The following SND1 variants were observed in gnomAD, a reference collection of about 807,000 sequenced individuals.
The protein encoded by SND1 is staphylococcal nuclease and tudor domain containing 1.
SND1 carries 38 observed loss-of-function variants against 121.7 expected under a neutral mutation model. That is an observed-to-expected ratio of 0.31 (90% confidence interval 0.24 to 0.41). The LOEUF is 0.41. SND1 is among the 10% of genes least tolerant of loss of function. The probability of loss-of-function intolerance (pLI) is 1.00; values close to 1 mark genes in which losing one functional copy is unlikely to be tolerated. For missense variants in SND1, 868 were observed against 1,184.6 expected (o/e 0.73, Z 3.92); for synonymous variants, 401 against 447.4 (o/e 0.90, Z 1.31).
chr7:127,737,936 G>A (rs1433311606), intron 10 of SND1, among the ~76,000 whole-genome samples: 1 of 152,194 alleles, frequency 6.6e-6, no homozygotes, highest in Non-Finnish European at 1.5e-5. Flanking sequence ...TACTGTCTGT[G>A]TTCCATGTCA....
intron 10 of SND1, among the ~76,000 whole-genome samples, chr7:127,741,335 AT>A (rs1796878163): frequency 6.6e-6 from 1 of 152,218 alleles, no homozygotes; most frequent in South Asian, 2.1e-4. Flanking sequence ...ATTGAATGTG[AT>A]TTTATAAGAT....
chr7:127,747,782 C>G (rs1797007892), intron 10 of SND1, among the ~76,000 whole-genome samples: 1 of 152,180 alleles, frequency 6.6e-6, no homozygotes, highest in African/African-American at 2.4e-5. Context: ...TTTTGCCTTT[C>G]CATTGTCAAT....
At chr7:127,672,437 C>G (rs1795535443) in intron 1 of SND1, among the ~76,000 whole-genome samples, 1 of 151,902 alleles carries the variant, frequency 6.6e-6, no homozygotes, top group Admixed American at 6.6e-5. Flanking sequence ...TGGCGAAATC[C>G]TGTCTCTACT....
chr7:127,933,734 C>T (rs1463951945), intron 15 of SND1, among the ~76,000 whole-genome samples: 2 of 152,172 alleles, frequency 1.3e-5, no homozygotes, highest in African/African-American at 4.8e-5. Flanking sequence ...CCTTGCCCCT[C>T]AATTTGGAGT....
intron 14 of SND1, among the ~76,000 whole-genome samples, chr7:127,913,532 C>T (rs1309726137): frequency 6.6e-6 from 1 of 152,190 alleles, no homozygotes; most frequent in Non-Finnish European, 1.5e-5. Context: ...GGTCCATGCT[C>T]TTCGGTTGTT....
chr7:128,028,720 GAATTATATAA>G (rs1281051968), intron 16 of SND1: 1 of 1,613,944 alleles, frequency 6.2e-7, no homozygotes, highest in East Asian at 2.2e-5. Flanking sequence ...GTATGGGTCT[GAATTATATAA>G]GGTTCAGAGA....
At chr7:127,919,187 T>C (rs1171278845) in intron 14 of SND1, among the ~76,000 whole-genome samples, 1 of 152,234 alleles carries the variant, frequency 6.6e-6, no homozygotes, top group African/African-American at 2.4e-5. Context: ...AAAAGTGTTT[T>C]AGCCATTTAG....
At chr7:127,757,260 A>G (rs1797214799) in intron 10 of SND1, among the ~76,000 whole-genome samples, 1 of 152,148 alleles carries the variant, frequency 6.6e-6, no homozygotes, top group South Asian at 2.1e-4. Context: ...TGTTATTTAT[A>G]TCACTAGTGG....
At chr7:127,768,523 A>G (rs1050229473) in intron 10 of SND1, among the ~76,000 whole-genome samples, 6 of 152,174 alleles carry the variant, frequency 3.9e-5, no homozygotes, top group Admixed American at 2.0e-4. Context: ...ATAGTTGAGG[A>G]ATGTTTTCAA....
intron 11 of SND1, among the ~76,000 whole-genome samples, chr7:127,841,647 G>A (rs557255393): frequency 1.3e-5 from 2 of 152,216 alleles, no homozygotes; most frequent in Non-Finnish European, 2.9e-5. Flanking sequence ...CTGGTTCTGA[G>A]TTACTCAGGC....
chr7:128,084,653 C>A, intron 18 of SND1, 71 bp from the exon 19 acceptor site: 1 of 1,496,340 alleles, frequency 6.7e-7, no homozygotes, highest in East Asian at 2.5e-5. Flanking sequence ...CCCAACCACT[C>A]CCAGAAAAAC....
chr7:127,962,037 T>C (rs947864439), intron 15 of SND1, among the ~76,000 whole-genome samples: 4 of 152,186 alleles, frequency 2.6e-5, no homozygotes, highest in Admixed American at 6.6e-5. Context: ...AGTGAGAGAA[T>C]TTAAAGGTAG....
intron 15 of SND1, among the ~76,000 whole-genome samples, chr7:127,946,333 T>C (rs1218590437): frequency 6.6e-6 from 1 of 152,226 alleles, no homozygotes; most frequent in Non-Finnish European, 1.5e-5. Context: ...ACTTTAGCCC[T>C]GAGTAAGCAA....
chr7:127,677,878 A>T (rs1448692596), intron 1 of SND1, among the ~76,000 whole-genome samples: 2 of 152,198 alleles, frequency 1.3e-5, no homozygotes, highest in East Asian at 3.8e-4. Flanking sequence ...CCAATCCTGC[A>T]TTTTATCGTT....
intron 12 of SND1, among the ~76,000 whole-genome samples, chr7:127,855,765 A>G (rs553132598): frequency 3.9e-5 from 6 of 152,150 alleles, no homozygotes; most frequent in Non-Finnish European, 8.8e-5. Flanking sequence ...ATGTCCAGCT[A>G]TTTCTTTAAG....
chr7:127,911,494 G>A (rs1307828811), intron 14 of SND1, among the ~76,000 whole-genome samples: 1 of 151,624 alleles, frequency 6.6e-6, no homozygotes, highest in Non-Finnish European at 1.5e-5. Flanking sequence ...GCAGGAGTGA[G>A]CTACCATGGC....
intron 1 of SND1, among the ~76,000 whole-genome samples, chr7:127,680,868 A>G (rs1795711962): frequency 2.6e-5 from 4 of 151,866 alleles, no homozygotes. Context: ...AATCTTCACA[A>G]TTTATGTTTA....
At chr7:128,022,995 A>C (rs1282502022) in intron 16 of SND1, among the ~76,000 whole-genome samples, 1 of 152,074 alleles carries the variant, frequency 6.6e-6, no homozygotes, top group Non-Finnish European at 1.5e-5. Context: ...CCTCTCTTGG[A>C]AAGTTGATCT....
chr7:127,815,611 G>A (rs1015130497), intron 11 of SND1, among the ~76,000 whole-genome samples: 4 of 152,116 alleles, frequency 2.6e-5, no homozygotes, highest in Admixed American at 6.5e-5. Flanking sequence ...AGTGGTTTTA[G>A]CTACAAGCCA....
Sources: gnomAD v4.1 joint callset for allele counts (sites outside exome capture counted in the v4.1 genomes callset) on GRCh38, gnomAD v4.1.1 for gene constraint, MANE v1.5 for transcripts, NCBI Gene and HGNC (gene_info 2026-07-23, HGNC 2026-07-21) for gene names.